Variants in PLEKHG7 observed in about 807,000 individuals in gnomAD.
PLEKHG7 encodes the protein pleckstrin homology and RhoGEF domain containing G7.
In PLEKHG7, 77 loss-of-function variants were observed where a neutral mutation model predicts 85.2. The ratio of observed to expected loss-of-function variants is 0.90; its 90% CI spans 0.75 to 1.09. The LOEUF is 1.09. Among genes scored for constraint, PLEKHG7 ranks in the 50% least tolerant of loss-of-function variants. The pLI is 0.00. For missense variants in PLEKHG7, 777 were observed against 804.3 expected (o/e 0.97, Z 0.41); for synonymous variants, 301 against 302.4 (o/e 1.00, Z 0.05).
At chr12:92,719,026 G>A (rs768348847) in intron 3 of PLEKHG7, among the ~76,000 whole-genome samples, 1 of 152,108 alleles carries the variant, frequency 6.6e-6, no homozygotes, top group East Asian at 1.9e-4. Context: ...GATTCCAGGC[G>A]GTAAACTAGA....
chr12:92,732,170 C>A, intron 4 of PLEKHG7, 63 bp from the exon 5 acceptor site: 2 of 1,032,084 alleles, frequency 1.9e-6, no homozygotes, highest in South Asian at 4.9e-5. Flanking sequence ...TAAAGCACTA[C>A]GATGATCTGT....
chr12:92,737,657 A>G (rs1224207712), intron 7 of PLEKHG7, 136 bp downstream of exon 7: 3 of 891,352 alleles, frequency 3.4e-6, no homozygotes, highest in Non-Finnish European at 3.3e-6. Flanking sequence ...AAAGAGAAAG[A>G]AAGGAAGGAA....
Position 92,741,598 on chromosome 12 carries a change from C to T in PLEKHG7, c.1137+6C>T, listed in dbSNP as rs1168093296. 1 of 1,607,064 alleles carries T rather than the reference C, an allele frequency of 6.2e-7. No homozygotes were observed. Among genetic ancestry groups the T allele is most frequent in the Non-Finnish European group, 8.5e-7 (1 of 1,174,798 alleles). ...TTATTTCCGTGCTCACAAAGGTAAA[C>T]TCCTTCTGGGAGACCTCAGCTTCAT... On this transcript the variant is annotated splice_donor_region_variant and intron_variant, in intron 9 of 16. Transcript: ENST00000344636.
At chr12:92,735,467 A>C (rs1347845757) in intron 5 of PLEKHG7, among the ~76,000 whole-genome samples, 1 of 152,230 alleles carries the variant, frequency 6.6e-6, no homozygotes, top group Non-Finnish European at 1.5e-5. Flanking sequence ...TCCTGAAAAA[A>C]ACATTGATTA....
At chr12:92,713,650 A>G (rs1204705310) in intron 3 of PLEKHG7, among the ~76,000 whole-genome samples, 1 of 152,174 alleles carries the variant, frequency 6.6e-6, no homozygotes, top group Non-Finnish European at 1.5e-5. Context: ...TCTATTTCAC[A>G]AGGCATTGGT....
chr12:92,709,773 T>C (rs949746666), intron 3 of PLEKHG7, among the ~76,000 whole-genome samples: 1 of 152,226 alleles, frequency 6.6e-6, no homozygotes, highest in African/African-American at 2.4e-5. Context: ...CTGGGCACAA[T>C]GGCTCATGCC....
At chr12:92,741,299 A>T (rs1175869547) in intron 8 of PLEKHG7, among the ~76,000 whole-genome samples, 192 bp from the exon 9 acceptor site, 3 of 152,208 alleles carry the variant, frequency 2.0e-5, no homozygotes, top group African/African-American at 7.2e-5. Flanking sequence ...GAGAGATAAC[A>T]AGAATTTATT....
At chr12:92,756,092 T>G (rs1364617525) in intron 12 of PLEKHG7, 152 bp downstream of exon 12, 126 of 702,848 alleles carry the variant, frequency 1.8e-4, no homozygotes, top group Non-Finnish European at 7.2e-6. Flanking sequence ...TGTAGGGCAT[T>G]GTATGCGGGG....
chr12:92,712,575 AC>A (rs1871385307), intron 3 of PLEKHG7, among the ~76,000 whole-genome samples: 1 of 151,900 alleles, frequency 6.6e-6, no homozygotes, highest in African/African-American at 2.4e-5. Context: ...GGGAATCACC[AC>A]CCCTGCGTCT....
rs1197427301 is a variant in PLEKHG7, at chr12:92,762,545, TCTG to T, written c.1716+721_1716+723del. ...TTTTTACTACCCATTAAGCCACTGG[TCTG>T]CTGCTGGTCCCCAAAAGGCTTTCTG... On this transcript the variant is annotated intron_variant, in intron 14 of 16. Transcript: ENST00000344636. Among the ~76,000 whole-genome samples the T allele has an allele frequency of 4.6e-5, 7 of 152,306 alleles. No individual in the cohort carries two copies. In the South Asian group the frequency reaches 1.2e-3, roughly 27 times the overall value.
At chr12:92,738,245 T>C (rs1401879932) in intron 7 of PLEKHG7, among the ~76,000 whole-genome samples, 1 of 151,466 alleles carries the variant, frequency 6.6e-6, no homozygotes, top group African/African-American at 2.4e-5. Context: ...AACACAGAAT[T>C]TTTTCTAGAA....
chr12:92,730,392 T>G (rs914460627), intron 4 of PLEKHG7, among the ~76,000 whole-genome samples: 1 of 152,252 alleles, frequency 6.6e-6, no homozygotes, highest in Non-Finnish European at 1.5e-5. Flanking sequence ...TGTCCCGAAC[T>G]AGCAGCTTTG....
chr12:92,721,774 A>G (rs1190352171), intron 3 of PLEKHG7, among the ~76,000 whole-genome samples: 4 of 151,744 alleles, frequency 2.6e-5, no homozygotes, highest in Admixed American at 1.3e-4. Flanking sequence ...CTAAACAAAT[A>G]AAGGGTGGCA....
chr12:92,765,448 G>A (rs1005045757), intron 15 of PLEKHG7, among the ~76,000 whole-genome samples: 2 of 152,022 alleles, frequency 1.3e-5, no homozygotes, highest in Non-Finnish European at 2.9e-5. Context: ...TGACCAACAT[G>A]GAGAAATCCT....
rs1236520846 is a variant in PLEKHG7, at chr12:92,706,941, C to T, written c.310C>T (p.Leu104Phe). 2 of 1,614,196 alleles carry T rather than the reference C, an allele frequency of 1.2e-6. No individual in the cohort carries two copies. The highest frequency in any genetic ancestry group is 8.5e-7 in the Non-Finnish European group (1 of 1,180,034). ...DSSHLLSPLRLHSRLTSEPER... is the reference protein window; with the variant it reads ...DSSHLLSPLRFHSRLTSEPER... ...TTCACACTTGCTGTCACCCTTGAGACTCCACTCAAGATTGACCTCTGAACC... is the reference window on the plus strand; with the variant it reads ...TTCACACTTGCTGTCACCCTTGAGATTCCACTCAAGATTGACCTCTGAACC... The change falls in exon 2 of 17, where the codon CTC becomes TTC. Residue 104 changes from leucine (L) to phenylalanine (F), a missense_variant. This residue lies in a region of PLEKHG7 where 252 missense variants were observed against 241.9 expected (regional missense o/e 1.04). Coordinates refer to ENST00000344636, the MANE Select transcript of PLEKHG7 (RefSeq NM_001377329.1).
chr12:92,712,669 G>A (rs1412616404), intron 3 of PLEKHG7, among the ~76,000 whole-genome samples: 1 of 152,058 alleles, frequency 6.6e-6, no homozygotes, highest in Non-Finnish European at 1.5e-5. Context: ...TCTAGCTAGA[G>A]GTAGCTCTAA....
intron 10 of PLEKHG7, among the ~76,000 whole-genome samples, chr12:92,747,863 G>A (rs1041060790): frequency 3.9e-5 from 6 of 152,182 alleles, no homozygotes; most frequent in African/African-American, 1.4e-4. Flanking sequence ...TGGAGATAGA[G>A]AGTAGGATGA....
intron 3 of PLEKHG7, among the ~76,000 whole-genome samples, chr12:92,717,550 T>C (rs74875727): frequency 0.021 from 3,214 of 152,358 alleles, 114 homozygotes; most frequent in African/African-American, 0.071. Context: ...AATGATGCTT[T>C]TGTCAACAAT....
chr12:92,707,342 C>G (rs1323407959), intron 2 of PLEKHG7: 1 of 1,428,844 alleles, frequency 7.0e-7, no homozygotes, highest in African/African-American at 1.4e-5. Flanking sequence ...AGAAAATGAT[C>G]TCGCTCACTT....
Sources: gnomAD v4.1 joint callset for allele counts (sites outside exome capture counted in the v4.1 genomes callset) on GRCh38, gnomAD v4.1.1 for gene constraint, gnomAD v4.1.1 regional missense constraint, MANE v1.5 for transcripts, NCBI Gene and HGNC (gene_info 2026-07-23, HGNC 2026-07-21) for gene names.